Variants in ANK3 observed in about 807,000 individuals in gnomAD.
The protein encoded by ANK3 is ankyrin 3, also known as ankyrin-3.
ANK3 carries 57 observed loss-of-function variants against 370.9 expected under a neutral mutation model. That is an observed-to-expected ratio of 0.15 (90% CI 0.12 to 0.19). ANK3 has a LOEUF of 0.19. Ranked by LOEUF, ANK3 falls within the 10% of genes least tolerant of loss-of-function variation. ANK3 has a pLI of 1.00. For missense variants in ANK3, 4,439 were observed against 5,302.1 expected (o/e 0.84, Z 5.06); for synonymous variants, 1,929 against 1,946.3 (o/e 0.99, Z 0.23).
chr10:60,338,495 T>G (rs770035266), intron 1 of ANK3, among the ~76,000 whole-genome samples: 2 of 152,148 alleles, frequency 1.3e-5, no homozygotes, highest in Non-Finnish European at 2.9e-5. Context: ...AAATGGGCTA[T>G]AAGCAGACAT....
intron 2 of ANK3, among the ~76,000 whole-genome samples, chr10:60,475,269 A>G (rs937700695): frequency 1.7e-4 from 25 of 147,782 alleles, no homozygotes; most frequent in Admixed American, 1.0e-3. Flanking sequence ...TCCTTATCAG[A>G]AAAATACACG....
rs1049251327 is a variant in ANK3, at chr10:60,693,446, A to C, written c.57+39817T>G. On this transcript the variant is annotated intron_variant, in intron 1 of 43. Coordinates refer to the ANK3 transcript ENST00000373827. ...CTCTGTAGGCTCCACCTCTGGGGGC[A>C]GGGAACAGACAAACAAAAAGACAGC... Among the ~76,000 whole-genome samples, 12 of 152,376 alleles carry C rather than the reference A, an allele frequency of 7.9e-5. No individual in the cohort carries two copies. In the South Asian group the frequency reaches 1.7e-3, roughly 21 times the overall value.
chr10:60,371,557 T>C (rs1244728921), intron 1 of ANK3, among the ~76,000 whole-genome samples: 1 of 152,230 alleles, frequency 6.6e-6, no homozygotes, highest in East Asian at 1.9e-4. Context: ...TCAAAACATG[T>C]ATGTTTCATA....
chr10:60,653,419 C>T (rs1324283318), intron 1 of ANK3, among the ~76,000 whole-genome samples: 1 of 151,868 alleles, frequency 6.6e-6, no homozygotes, highest in Non-Finnish European at 1.5e-5. Flanking sequence ...ACTTTTATTC[C>T]CCCATTAAAT....
intron 1 of ANK3, among the ~76,000 whole-genome samples, chr10:60,313,354 A>G (rs2046749421): frequency 6.6e-6 from 1 of 152,226 alleles, no homozygotes; most frequent in East Asian, 1.9e-4. Flanking sequence ...TGAATGTAAT[A>G]TTGTAAAATA....
chr10:60,675,366 C>T (rs915115312), intron 1 of ANK3, among the ~76,000 whole-genome samples: 1 of 152,186 alleles, frequency 6.6e-6, no homozygotes, highest in Non-Finnish European at 1.5e-5. Context: ...ACTAGCATCA[C>T]TCACTTCTTC....
At chr10:60,333,705 C>T (rs2052043249) in intron 1 of ANK3, among the ~76,000 whole-genome samples, 1 of 152,122 alleles carries the variant, frequency 6.6e-6, no homozygotes, top group Admixed American at 6.5e-5. Flanking sequence ...AGTTCTAGAT[C>T]CTTGAGGAAT....
chr10:60,408,573 C>T (rs189055303), intron 2 of ANK3, among the ~76,000 whole-genome samples: 10 of 152,148 alleles, frequency 6.6e-5, no homozygotes, highest in Admixed American at 5.9e-4. Context: ...TATAAATGAC[C>T]CAGTCTCAGG....
intron 2 of ANK3, among the ~76,000 whole-genome samples, chr10:60,545,110 A>T (rs2076933526): frequency 6.6e-6 from 1 of 152,116 alleles, no homozygotes; most frequent in Non-Finnish European, 1.5e-5. Context: ...CCAAGTCATG[A>T]CGAACAGTGA....
intron 36 of ANK3, among the ~76,000 whole-genome samples, chr10:60,077,456 T>C (rs909513500): frequency 6.6e-6 from 1 of 152,152 alleles, no homozygotes; most frequent in African/African-American, 2.4e-5. Context: ...ATGCACAATA[T>C]ATAAACTTTA....
intron 2 of ANK3, among the ~76,000 whole-genome samples, chr10:60,395,576 C>CT (rs751428050): frequency 8.1e-6 from 1 of 124,126 alleles, no homozygotes; most frequent in Non-Finnish European, 1.7e-5. Flanking sequence ...TTCTTTCTTT[C>CT]TTTCTTTCTT....
At chr10:60,520,516 C>T (rs1355070773) in intron 2 of ANK3, among the ~76,000 whole-genome samples, 1 of 152,040 alleles carries the variant, frequency 6.6e-6, no homozygotes, top group African/African-American at 2.4e-5. Flanking sequence ...AAATAAGAAA[C>T]ATTTCAAAGG....
intron 2 of ANK3, among the ~76,000 whole-genome samples, chr10:60,515,025 C>T (rs1377286374): frequency 6.6e-6 from 1 of 151,920 alleles, no homozygotes; most frequent in Non-Finnish European, 1.5e-5. Context: ...CTATTGCCAT[C>T]GGATAAATAA....
chr10:60,629,205 T>G (rs2078450508), intron 1 of ANK3, among the ~76,000 whole-genome samples: 1 of 152,202 alleles, frequency 6.6e-6, no homozygotes, highest in African/African-American at 2.4e-5. Context: ...GTATGCTTAT[T>G]TGACAAGGAG....
intron 42 of ANK3, among the ~76,000 whole-genome samples, chr10:60,054,682 A>G (rs2078797790): frequency 6.6e-6 from 1 of 152,220 alleles, no homozygotes; most frequent in Non-Finnish European, 1.5e-5. Context: ...AAGTCTTCCT[A>G]AACCTCAAAT....
chr10:60,510,792 C>G (rs140580798), intron 2 of ANK3, among the ~76,000 whole-genome samples: 2 of 151,892 alleles, frequency 1.3e-5, no homozygotes, highest in African/African-American at 2.4e-5. Flanking sequence ...TACACTCCAG[C>G]CTGGGCGACA....
At chr10:60,686,389 C>CA (rs1296563500) in intron 1 of ANK3, among the ~76,000 whole-genome samples, 1 of 152,122 alleles carries the variant, frequency 6.6e-6, no homozygotes, top group Non-Finnish European at 1.5e-5. Flanking sequence ...CTCATTATTT[C>CA]AAGTGGTAAA....
At chr10:60,112,385 C>T (rs181164002) in intron 26 of ANK3, among the ~76,000 whole-genome samples, 3 of 151,596 alleles carry the variant, frequency 2.0e-5, no homozygotes, top group Admixed American at 2.0e-4. Flanking sequence ...CAATATTAGA[C>T]CCATATGCAT....
chr10:60,052,470 T>A (rs1042750724), intron 42 of ANK3, among the ~76,000 whole-genome samples: 4 of 152,240 alleles, frequency 2.6e-5, no homozygotes, highest in African/African-American at 9.6e-5. Context: ...AATAAATGTA[T>A]GAAAGCTTGA....
Sources: gnomAD v4.1 joint callset for allele counts (sites outside exome capture counted in the v4.1 genomes callset) on GRCh38, gnomAD v4.1.1 for gene constraint, MANE v1.5 for transcripts, NCBI Gene and HGNC (gene_info 2026-07-23, HGNC 2026-07-21) for gene names.